The following CSMD1 variants were observed in gnomAD, a reference collection of about 807,000 sequenced individuals.
CSMD1 encodes the protein CUB and Sushi multiple domains 1.
CSMD1 carries 213 observed loss-of-function variants against 417.5 expected under a neutral mutation model. The ratio of observed to expected loss-of-function variants is 0.51; its 90% confidence interval spans 0.46 to 0.57. CSMD1 has a LOEUF of 0.57. CSMD1 is among the 20% of genes least tolerant of loss of function. CSMD1 has a pLI of 0.00. For missense variants in CSMD1, 6,923 were observed against 4,529.7 expected, an observed-to-expected ratio of 1.53 and a Z score of -15.17; for synonymous variants, 2,862 against 1,736.8, an observed-to-expected ratio of 1.65 and a Z score of -16.11.
chr8:3,093,563 G>A (rs1037692708), intron 47 of CSMD1, among the ~76,000 whole-genome samples: 2 of 152,138 alleles, frequency 1.3e-5, no homozygotes, highest in Non-Finnish European at 2.9e-5. Context: ...AGCTACTCAG[G>A]AGGCTGAGGC....
At position 3,039,365 on chromosome 8, in the gene CSMD1, TAC is replaced by T. The variant is rs200657236; in HGVS notation, c.7661-9854_7661-9853del. ...TTTCCGCCTTCCTTCCTTCCTCCTT[TAC>T]TTTCCTTTCTTCCTTCCTTCCTTCC... On this transcript the variant is annotated intron_variant, in intron 50 of 69. Coordinates refer to ENST00000635120, the MANE Select transcript of CSMD1 (RefSeq NM_033225.6). Among the ~76,000 whole-genome samples, 299 of 136,444 alleles carry T rather than the reference TAC, an allele frequency of 2.2e-3. 1 individual carries two copies. The highest frequency in any genetic ancestry group is 9.5e-3 in the African/African-American group (282 of 29,640). The allele number at this position is 136,444 out of a possible 152,430, so 89.5% of individuals were successfully genotyped here.
At chr8:3,781,073 C>T (rs749345098) in intron 5 of CSMD1, among the ~76,000 whole-genome samples, 12 of 152,054 alleles carry the variant, frequency 7.9e-5, no homozygotes, top group Non-Finnish European at 1.6e-4. Flanking sequence ...AGTTGAAAGC[C>T]TGTTATGATC....
At chr8:3,258,795 C>T (rs1454098678) in intron 26 of CSMD1, among the ~76,000 whole-genome samples, 1 of 152,154 alleles carries the variant, frequency 6.6e-6, no homozygotes, top group African/African-American at 2.4e-5. Context: ...TTTACAGGAA[C>T]ATGGATGGAG....
intron 41 of CSMD1, among the ~76,000 whole-genome samples, chr8:3,123,783 GT>G (rs1012208120): frequency 1.0e-3 from 157 of 152,252 alleles, no homozygotes; most frequent in Non-Finnish European, 1.2e-3. Context: ...TGGTTCATAG[GT>G]ACTCCTGGTG....
chr8:3,523,623 A>G (rs1797608103), intron 10 of CSMD1, among the ~76,000 whole-genome samples: 1 of 152,074 alleles, frequency 6.6e-6, no homozygotes, highest in Non-Finnish European at 1.5e-5. Context: ...ACACACATGC[A>G]TGCACACCGA....
intron 3 of CSMD1, among the ~76,000 whole-genome samples, chr8:4,243,099 G>C (rs1802498053): frequency 6.6e-6 from 1 of 152,098 alleles, no homozygotes; most frequent in Non-Finnish European, 1.5e-5. Context: ...TTAGAATCCG[G>C]AACATGTTCA....
intron 3 of CSMD1, among the ~76,000 whole-genome samples, chr8:4,267,799 G>A (rs185328571): frequency 6.6e-6 from 1 of 151,984 alleles, no homozygotes; most frequent in Non-Finnish European, 1.5e-5. Context: ...GGTATGAAAA[G>A]GTACATTGCA....
At chr8:4,282,381 T>A (rs1381800890) in intron 3 of CSMD1, among the ~76,000 whole-genome samples, 1 of 152,200 alleles carries the variant, frequency 6.6e-6, no homozygotes, top group African/African-American at 2.4e-5. Context: ...CTTCTTCATT[T>A]TCTCGGACTC....
intron 2 of CSMD1, among the ~76,000 whole-genome samples, chr8:4,567,314 T>C (rs899529919): frequency 2.0e-5 from 3 of 152,154 alleles, no homozygotes; most frequent in African/African-American, 4.8e-5. Context: ...ATAATGTTTA[T>C]TAAAAGTAAG....
intron 3 of CSMD1, among the ~76,000 whole-genome samples, chr8:4,297,639 G>C (rs184644234): frequency 4.5e-4 from 68 of 152,184 alleles, no homozygotes; most frequent in Admixed American, 1.7e-3. Flanking sequence ...CCTTTCAAAA[G>C]TTCACACTAG....
chr8:3,504,247 T>C (rs1796730120), intron 10 of CSMD1, among the ~76,000 whole-genome samples: 1 of 78,380 alleles, frequency 1.3e-5, no homozygotes. Flanking sequence ...TAACAATTTC[T>C]TTAAAAAAAC....
intron 3 of CSMD1, among the ~76,000 whole-genome samples, chr8:4,081,858 A>G (rs1336759366): frequency 6.6e-6 from 1 of 152,218 alleles, no homozygotes; most frequent in African/African-American, 2.4e-5. Context: ...AATAATTAGA[A>G]AAATAAGACA....
At chr8:4,305,012 C>G (rs1019372237) in intron 3 of CSMD1, among the ~76,000 whole-genome samples, 1 of 152,172 alleles carries the variant, frequency 6.6e-6, no homozygotes, top group Non-Finnish European at 1.5e-5. Flanking sequence ...GGACCCACTA[C>G]AAACACACAG....
At chr8:3,434,296 T>A (rs184763451) in intron 12 of CSMD1, among the ~76,000 whole-genome samples, 1 of 152,332 alleles carries the variant, frequency 6.6e-6, no homozygotes, top group Non-Finnish European at 1.5e-5. Flanking sequence ...TAATCTCTAA[T>A]GCAAAACTCA....
chr8:4,939,563 G>T (rs576758155), intron 1 of CSMD1, among the ~76,000 whole-genome samples: 2 of 151,664 alleles, frequency 1.3e-5, no homozygotes, highest in Admixed American at 1.3e-4. Context: ...AATATCACAT[G>T]ATCTTGCTTA....
intron 1 of CSMD1, among the ~76,000 whole-genome samples, chr8:4,813,966 G>C (rs998396998): frequency 1.3e-5 from 2 of 152,162 alleles, no homozygotes; most frequent in East Asian, 1.9e-4. Flanking sequence ...AGTAATCAGT[G>C]ATTCATAATT....
chr8:4,928,130 G>A (rs1806994858), intron 1 of CSMD1, among the ~76,000 whole-genome samples: 1 of 152,022 alleles, frequency 6.6e-6, no homozygotes, highest in East Asian at 1.9e-4. Context: ...TTCCACCCCA[G>A]CCTCTGCCCA....
At chr8:4,919,285 A>T (rs1259238519) in intron 1 of CSMD1, among the ~76,000 whole-genome samples, 2 of 152,234 alleles carry the variant, frequency 1.3e-5, no homozygotes, top group East Asian at 3.8e-4. Flanking sequence ...TCTGTCAATT[A>T]GAGTATATTT....
At chr8:4,910,302 C>G (rs1232057186) in intron 1 of CSMD1, among the ~76,000 whole-genome samples, 1 of 152,190 alleles carries the variant, frequency 6.6e-6, no homozygotes, top group Non-Finnish European at 1.5e-5. Flanking sequence ...TTGATTTATA[C>G]AACTTTATAA....
Sources: gnomAD v4.1 joint callset for allele counts (sites outside exome capture counted in the v4.1 genomes callset) on GRCh38, gnomAD v4.1.1 for gene constraint, MANE v1.5 for transcripts, NCBI Gene and HGNC (gene_info 2026-07-23, HGNC 2026-07-21) for gene names.